Variants in TRPM6 observed in about 807,000 individuals in gnomAD.
TRPM6 encodes the protein channel kinase 2.
Under a neutral mutation model 247.6 loss-of-function variants are expected in TRPM6, and 111 were observed. The ratio of observed to expected loss-of-function variants is 0.45; its 90% CI spans 0.38 to 0.52. The LOEUF is 0.52. Ranked by LOEUF, TRPM6 falls within the 20% of genes least tolerant of loss-of-function variation. The pLI is 0.00. For synonymous variants in TRPM6, 892 were observed against 853.8 expected (o/e 1.04, Z -0.78); for missense variants, 2,126 against 2,421.5 (o/e 0.88, Z 2.56).
At chr9:74,830,797 A>C (rs1829520440) in intron 6 of TRPM6, among the ~76,000 whole-genome samples, 2 of 100,870 alleles carry the variant, frequency 2.0e-5, no homozygotes, top group African/African-American at 4.2e-5. Flanking sequence ...GGGTTTCACC[A>C]TGTTCCTCAG....
Position 74,863,973 on chromosome 9 carries a change from A to G in TRPM6, c.34-5225T>C, listed in dbSNP as rs74522866. ...ATAACAGGTCATTTGTTTTCTTTCT[A>G]CAACTTTTTTGCACCTTAAAAAAAA... is the stretch of plus-strand genomic sequence containing the variant. On this transcript the variant is annotated intron_variant, in intron 1 of 38. Transcript: ENST00000360774. Among the ~76,000 whole-genome samples, 15 of 151,790 alleles carry G rather than the reference A, an allele frequency of 9.9e-5. No homozygotes were observed. The East Asian group carries it at 2.1e-3, about 22-fold the overall frequency.
At chr9:74,867,705 G>A (rs777383686) in intron 1 of TRPM6, among the ~76,000 whole-genome samples, 6 of 152,138 alleles carry the variant, frequency 3.9e-5, no homozygotes, top group Admixed American at 6.5e-5. Flanking sequence ...GGAAGCTTGC[G>A]AAGTGTGGAA....
chr9:74,737,510 G>GTATAACCATC, intron 36 of TRPM6: 1 of 979,272 alleles, frequency 1.0e-6, no homozygotes, highest in Non-Finnish European at 1.4e-6. Flanking sequence ...CCATAAGATG[G>GTATAACCATC]TTATACCCTC....
intron 5 of TRPM6, among the ~76,000 whole-genome samples, chr9:74,834,704 C>T (rs1040672583): frequency 3.3e-5 from 5 of 149,584 alleles, no homozygotes; most frequent in African/African-American, 1.2e-4. Flanking sequence ...TGAGAACATG[C>T]GGTGTCTGGT....
At chr9:74,739,539 T>A (rs978439287) in intron 34 of TRPM6, 90 bp from the exon 35 acceptor site, 23 of 1,517,410 alleles carry the variant, frequency 1.5e-5, no homozygotes, top group Non-Finnish European at 2.1e-5. Context: ...AATGTGATTT[T>A]TAGCCTTATT....
intron 1 of TRPM6, among the ~76,000 whole-genome samples, chr9:74,861,967 T>C (rs1239654970): frequency 6.6e-6 from 1 of 152,096 alleles, no homozygotes; most frequent in East Asian, 1.9e-4. Flanking sequence ...ACAAACATGC[T>C]GAAAATAGAA....
At chr9:74,832,284 A>G (rs964612170) in intron 6 of TRPM6, among the ~76,000 whole-genome samples, 2 of 152,250 alleles carry the variant, frequency 1.3e-5, no homozygotes, top group African/African-American at 4.8e-5. Flanking sequence ...AGATGGAGGT[A>G]AAATCCATAG....
chr9:74,858,784 A>T (rs1485994000), intron 1 of TRPM6, 36 bp from the exon 2 acceptor site: 1 of 1,502,854 alleles, frequency 6.7e-7, no homozygotes, highest in Non-Finnish European at 9.2e-7. Context: ...TACTCTAATT[A>T]TGTGACAAAA....
At chr9:74,866,585 G>T (rs559526541) in intron 1 of TRPM6, among the ~76,000 whole-genome samples, 1 of 152,044 alleles carries the variant, frequency 6.6e-6, no homozygotes, top group African/African-American at 2.4e-5. Flanking sequence ...AGATTCAAGC[G>T]ATTCTCCTGC....
intron 32 of TRPM6, 44 bp downstream of exon 32, chr9:74,744,051 G>A (rs746540121): frequency 2.5e-6 from 4 of 1,586,762 alleles, no homozygotes; most frequent in South Asian, 1.1e-5. Flanking sequence ...CAGAAGCACA[G>A]ACATTTAGCT....
intron 1 of TRPM6, among the ~76,000 whole-genome samples, chr9:74,859,093 T>C (rs1335644246): frequency 6.6e-6 from 1 of 152,200 alleles, no homozygotes; most frequent in Non-Finnish European, 1.5e-5. Context: ...CATAATCCTA[T>C]GGAATAAATA....
chr9:74,802,180 T>C lies in TRPM6; in HGVS notation c.1732-5A>G, dbSNP rs1294399158. 1.2e-6 allele frequency: 2 copies of C among 1,613,138 alleles called. No homozygotes were observed. Among genetic ancestry groups the C allele is most frequent in the Non-Finnish European group, 1.7e-6 (2 of 1,179,180 alleles). ...ATGAAGGACTATAGACTTTTCCTGT[T>C]GGAAAATAAAATAGGAATGAGTTTT... On this transcript the variant is annotated splice_region_variant and splice_polypyrimidine_tract_variant and intron_variant, in intron 15 of 38. Coordinates refer to ENST00000360774, the MANE Select transcript of TRPM6 (RefSeq NM_017662.5).
rs141622486 is a variant in TRPM6 at position 74,836,135 on chromosome 9, C to G, written c.545-2013G>C. On this transcript the variant is annotated intron_variant, in intron 5 of 38. Coordinates refer to ENST00000360774, the MANE Select transcript of TRPM6 (RefSeq NM_017662.5). ...GCTCTGCCTACTCATCCCTCTCCCC[C>G]CTCAGCTCCTGGCAACTGCTGATCT... 3.7e-3 allele frequency among the ~76,000 whole-genome samples: 558 copies of G among 152,258 alleles called. 1 individual carries two copies. The highest frequency in any genetic ancestry group is 0.013 in the African/African-American group (532 of 41,528).
chr9:74,845,308 ATGCC>A, intron 3 of TRPM6, among the ~76,000 whole-genome samples: 1 of 152,344 alleles, frequency 6.6e-6, no homozygotes. Context: ...TACATGAGGT[ATGCC>A]TGTACTAAAA....
chr9:74,793,950 A>G (rs1827997901), intron 18 of TRPM6, among the ~76,000 whole-genome samples: 1 of 152,212 alleles, frequency 6.6e-6, no homozygotes, highest in Non-Finnish European at 1.5e-5. Context: ...GAATGTGACT[A>G]TACAAACACC....
rs1040883816 is a variant in TRPM6 at position 74,762,528 on chromosome 9, A to G, written c.4143T>C (p.Thr1381=). 6.2e-7 allele frequency: 1 copy of G among 1,614,052 alleles called. No individual in the cohort carries two copies. Among genetic ancestry groups the G allele is most frequent in the African/African-American group, 1.3e-5 (1 of 74,932 alleles). The change falls in exon 26 of 39, where the codon ACT becomes ACC. Residue 1381 remains threonine (T), a synonymous_variant. Transcript: ENST00000360774. ...GCCCAGTCAGATGAACAAGAACCTC[A>G]GTCTGGATGTCCTGTTCAGTTGCCA... The part of the protein sequence containing the change: ...DVLATEQDIQ[T]EVLVHLTGQT...
At chr9:74,737,311 G>A in intron 36 of TRPM6, 3 of 1,210,046 alleles carry the variant, frequency 2.5e-6, no homozygotes, top group Non-Finnish European at 1.1e-6. Flanking sequence ...TCACATCCTT[G>A]AGCATGTGAC....
chr9:74,760,482 T>G (rs1826586165), intron 27 of TRPM6, among the ~76,000 whole-genome samples: 1 of 152,156 alleles, frequency 6.6e-6, no homozygotes, highest in African/African-American at 2.4e-5. Context: ...CATTCCATGA[T>G]GTTTGTGCCA....
chr9:74,878,220 C>T (rs998805671), intron 1 of TRPM6, among the ~76,000 whole-genome samples: 5 of 152,164 alleles, frequency 3.3e-5, no homozygotes, highest in African/African-American at 1.2e-4. Flanking sequence ...TCATCATTCA[C>T]ACCACACCCA....
Sources: gnomAD v4.1 joint callset for allele counts (sites outside exome capture counted in the v4.1 genomes callset) on GRCh38, gnomAD v4.1.1 for gene constraint, MANE v1.5 for transcripts, NCBI Gene and HGNC (gene_info 2026-07-23, HGNC 2026-07-21) for gene names.